Variants in ALDH1A3 observed in about 807,000 individuals in gnomAD.
The protein encoded by ALDH1A3 is aldehyde dehydrogenase 1 family member A3.
A neutral mutation model predicts 57.5 loss-of-function variants in ALDH1A3; 28 were observed. The ratio of observed to expected loss-of-function variants is 0.49; its 90% CI spans 0.36 to 0.67. The LOEUF is 0.67. Ranked by LOEUF, ALDH1A3 falls within the 30% of genes least tolerant of loss-of-function variation. The pLI is 0.00. For missense variants in ALDH1A3, 507 were observed against 669.4 expected (o/e 0.76, Z 2.68); for synonymous variants, 281 against 264.8 (o/e 1.06, Z -0.59).
At chr15:100,904,904 G>A (rs1363820913) in intron 9 of ALDH1A3, among the ~76,000 whole-genome samples, 2 of 152,180 alleles carry the variant, frequency 1.3e-5, no homozygotes, top group Non-Finnish European at 2.9e-5. Flanking sequence ...TGAGTAAGGT[G>A]GTTAGCTTTT....
At chr15:100,898,886 G>A (rs1466515620) in intron 8 of ALDH1A3, among the ~76,000 whole-genome samples, 1 of 152,136 alleles carries the variant, frequency 6.6e-6, no homozygotes, top group Non-Finnish European at 1.5e-5. Flanking sequence ...CTGCTGACAG[G>A]GTCAGCTATC....
At chr15:100,881,718 C>CTG (rs1196772591) in intron 1 of ALDH1A3, among the ~76,000 whole-genome samples, 7 of 152,254 alleles carry the variant, frequency 4.6e-5, no homozygotes, top group African/African-American at 1.7e-4. Context: ...CTGAGGGAAG[C>CTG]TGGTGGATCG....
intron 9 of ALDH1A3, among the ~76,000 whole-genome samples, chr15:100,901,629 C>G (rs2041769687): frequency 6.6e-6 from 1 of 152,228 alleles, no homozygotes; most frequent in Admixed American, 6.5e-5. Context: ...CCTCAGTTTC[C>G]TCATCTGGAG....
At chr15:100,896,827 G>A (rs1282028842) in intron 7 of ALDH1A3, among the ~76,000 whole-genome samples, 1 of 152,198 alleles carries the variant, frequency 6.6e-6, no homozygotes, top group Non-Finnish European at 1.5e-5. Flanking sequence ...ATGATCTATT[G>A]TTGAAGCACA....
At chr15:100,914,433 C>T (rs2041911027) in intron 12 of ALDH1A3, 1 of 293,038 alleles carries the variant, frequency 3.4e-6, no homozygotes. Context: ...AAATCCCCTT[C>T]ATTCTCTAAA....
rs1289886450 is a variant in ALDH1A3, at chr15:100,906,998, G to A, written c.1234-123G>A. The A allele has an allele frequency of 7.3e-6, 8 of 1,102,936 alleles. No homozygotes were observed. Among genetic ancestry groups the A allele is most frequent in the African/African-American group, 3.2e-5 (2 of 62,940 alleles). 68.3% of individuals were successfully genotyped at this position (1,102,936 alleles called of 1,614,324 possible). A position where few individuals can be genotyped will look rare whatever the true frequency, so the allele number is the denominator to read the frequency against. Reference sequence around the variant, plus strand: ...GGACGTTCTTTCTTCTCTAATCATCGTTTTTCAGGCATGTGTGTGCTCTGG... The same window carrying A: ...GGACGTTCTTTCTTCTCTAATCATCATTTTTCAGGCATGTGTGTGCTCTGG... On this transcript the variant is annotated intron_variant, in intron 10 of 12. Transcript: ENST00000329841. This position sits in a 1 kb window ranked among gnomAD's most constrained non-coding sequence, Gnocchi z 4.8.
chr15:100,902,880 A>T (rs1273985659), intron 9 of ALDH1A3, among the ~76,000 whole-genome samples: 1 of 152,238 alleles, frequency 6.6e-6, no homozygotes, highest in African/African-American at 2.4e-5. Flanking sequence ...GGTCTGCCAG[A>T]TGGCATATGC....
chr15:100,910,853 G>A (rs2041875809), intron 12 of ALDH1A3, among the ~76,000 whole-genome samples: 1 of 152,236 alleles, frequency 6.6e-6, no homozygotes, highest in African/African-American at 2.4e-5. Flanking sequence ...AAATGTCCCT[G>A]GGCGTAGAAG....
In ALDH1A3 at chr15:100,887,044, CT is replaced by C. The variant is rs995034644; in HGVS notation, c.205-525del. 1.3e-5 allele frequency among the ~76,000 whole-genome samples: 2 copies of C among 152,166 alleles called. No individual in the cohort carries two copies. Among genetic ancestry groups the C allele is most frequent in the African/African-American group, 4.8e-5 (2 of 41,440 alleles). Reference sequence around the variant, plus strand: ...TACTTGGGTCCCTGAGAAAAATACTCTTTAGGAAATATTTTTAAATGCTTTT... The same window carrying C: ...TACTTGGGTCCCTGAGAAAAATACTCTTAGGAAATATTTTTAAATGCTTTT... On this transcript the variant is annotated intron_variant, in intron 2 of 12. Transcript: ENST00000329841. The surrounding 1 kb of genome is among the most constrained non-coding windows in gnomAD (Gnocchi z 4.6).
At chr15:100,899,640 C>T (rs918057620) in intron 8 of ALDH1A3, among the ~76,000 whole-genome samples, 2 of 152,186 alleles carry the variant, frequency 1.3e-5, no homozygotes, top group Non-Finnish European at 1.5e-5. Flanking sequence ...TCTGTTATCT[C>T]GGAGGAGGGG....
rs866301753 is a variant in ALDH1A3 at position 100,889,497 on chromosome 15, G to C, written c.345+1785G>C. ...GGAGCCTCTGGTTTCTTCCTGCAACGTAAGCCAGCGTCAACCCTCAAGCTG... is the reference window on the plus strand; with the variant it reads ...GGAGCCTCTGGTTTCTTCCTGCAACCTAAGCCAGCGTCAACCCTCAAGCTG... On this transcript the variant is annotated intron_variant, in intron 3 of 12. Coordinates refer to ENST00000329841, the MANE Select transcript of ALDH1A3 (RefSeq NM_000693.4). This position sits in a 1 kb window ranked among gnomAD's most constrained non-coding sequence, Gnocchi z 5.1. Among the ~76,000 whole-genome samples, 1 of 152,168 alleles carries C rather than the reference G, an allele frequency of 6.6e-6. No homozygotes were observed. Among genetic ancestry groups the C allele is most frequent in the Non-Finnish European group, 1.5e-5 (1 of 68,032 alleles).
At chr15:100,886,841 G>A (rs2041599445) in intron 2 of ALDH1A3, among the ~76,000 whole-genome samples, 1 of 152,198 alleles carries the variant, frequency 6.6e-6, no homozygotes, top group African/African-American at 2.4e-5. Flanking sequence ...CTCCCTGTCT[G>A]CGAACTGTTC....
Position 100,914,740 on chromosome 15 carries a change from T to C in ALDH1A3, c.1506T>C (p.Thr502=). 6.2e-7 allele frequency: 1 copy of C among 1,614,150 alleles called. No homozygotes were observed. Among genetic ancestry groups the C allele is most frequent in the Non-Finnish European group, 8.5e-7 (1 of 1,180,032 alleles). The stretch of plus-strand genomic sequence containing the variant: ...TGGCCGAATACACAGAAGTGAAAAC[T>C]GTCACCATCAAACTTGGCGACAAGA... ...YALAEYTEVK[T]VTIKLGDKNP is the part of the protein sequence containing the mutation. The change falls in exon 13 of 13, where the codon ACT becomes ACC. Residue 502 remains threonine, a synonymous_variant. Transcript: ENST00000329841.
intron 6 of ALDH1A3, chr15:100,895,019 A>G (rs958696027): frequency 1.3e-5 from 2 of 152,210 alleles, no homozygotes; most frequent in African/African-American, 4.8e-5. Context: ...GAGGCTTAGT[A>G]TATGAAAAAC....
In ALDH1A3 at chr15:100,892,706, G is replaced by C. The variant is rs756996115; in HGVS notation, c.475+67G>C. On this transcript the variant is annotated intron_variant, in intron 4 of 12. Transcript: ENST00000329841. ...GGCTATATCTTTTCATTAATCCAGA[G>C]CCCCCCCTGACTGTTTCCCTAAGGC... The C allele has an allele frequency of 5.5e-4, 846 of 1,541,292 alleles. 1 individual carries two copies. Among genetic ancestry groups the C allele is most frequent in the Middle Eastern group, 6.8e-4 (3 of 4,438 alleles).
In ALDH1A3 at chr15:100,893,397, A is replaced by G. The variant is rs935166710; in HGVS notation, c.537+391A>G. On this transcript the variant is annotated intron_variant, in intron 5 of 12. Coordinates refer to ENST00000329841, the MANE Select transcript of ALDH1A3 (RefSeq NM_000693.4). This position sits in a 1 kb window ranked among gnomAD's most constrained non-coding sequence, Gnocchi z 4.8. ...GCTGGGCTACTTGGAAGGGAACAGC[A>G]GGAAAGCTGGTGGGGCTAGAGCTCA... is the stretch of plus-strand genomic sequence containing the variant. 2.2e-5 allele frequency: 4 copies of G among 185,004 alleles called. No homozygotes were observed. The highest frequency in any genetic ancestry group is 9.4e-5 in the African/African-American group (4 of 42,730). 11.5% of individuals were successfully genotyped at this position (185,004 alleles called of 1,614,324 possible).
Position 100,892,651 on chromosome 15 carries a change from G to A in ALDH1A3, c.475+12G>A. ...GACCATCCCCACAGGTGAGCAAGGT[G>A]GATTATAGCTTCATTTGGGATCCCT... is the stretch of plus-strand genomic sequence containing the variant. On this transcript the variant is annotated intron_variant, in intron 4 of 12. Coordinates refer to ENST00000329841, the MANE Select transcript of ALDH1A3 (RefSeq NM_000693.4). 6 of 1,596,596 alleles carry A rather than the reference G, an allele frequency of 3.8e-6. No homozygotes were observed. The highest frequency in any genetic ancestry group is 5.1e-6 in the Non-Finnish European group (6 of 1,175,006).
chr15:100,896,722 G>A (rs552093741), intron 7 of ALDH1A3, among the ~76,000 whole-genome samples: 1 of 152,160 alleles, frequency 6.6e-6, no homozygotes, highest in Non-Finnish European at 1.5e-5. Context: ...ACTACTTAGA[G>A]AAATTTTCTC....
intron 12 of ALDH1A3, among the ~76,000 whole-genome samples, chr15:100,912,201 G>T (rs998010477): frequency 6.6e-6 from 1 of 152,190 alleles, no homozygotes; most frequent in Non-Finnish European, 1.5e-5. Flanking sequence ...ACTTGTGGGA[G>T]ATTGTTTTCA....
Sources: allele counts gnomAD v4.1 joint callset (sites outside exome capture counted in the v4.1 genomes callset), GRCh38; gene constraint gnomAD v4.1.1; non-coding constraint Gnocchi (gnomAD v3.1); transcripts MANE v1.5; gene names NCBI Gene and HGNC (gene_info 2026-07-23, HGNC 2026-07-21).